SH3RF3: variants seen among roughly 807,000 people sequenced by gnomAD.
The protein encoded by SH3RF3 is E3 ubiquitin-protein ligase SH3RF3.
Under a neutral mutation model 66.3 loss-of-function variants are expected in SH3RF3, and 29 were observed. The observed-to-expected ratio is 0.44, with a 90% CI of 0.33 to 0.60. SH3RF3 has a LOEUF of 0.60. Among genes scored for constraint, SH3RF3 ranks in the 20% least tolerant of loss-of-function variants. The probability of loss-of-function intolerance (pLI) is 0.04; values close to 1 mark genes in which losing one functional copy is unlikely to be tolerated. For missense variants in SH3RF3, 1,194 were observed against 1,190.9 expected, an observed-to-expected ratio of 1.00 and a Z score of -0.04; for synonymous variants, 583 against 532.0, an observed-to-expected ratio of 1.10 and a Z score of -1.32.
intron 3 of SH3RF3, among the ~76,000 whole-genome samples, chr2:109,375,234 A>T (rs1683353782): frequency 6.6e-6 from 1 of 151,948 alleles, no homozygotes; most frequent in African/African-American, 2.4e-5. Flanking sequence ...TCTTCTTCCC[A>T]TGGCTCCAGC....
intron 1 of SH3RF3, among the ~76,000 whole-genome samples, chr2:109,274,710 C>G (rs7559721): frequency 0.4 from 60,420 of 151,900 alleles, 12,096 homozygotes; most frequent in South Asian, 0.44. Context: ...AGATAGAGGT[C>G]GTGGCTGCAT....
intron 1 of SH3RF3, among the ~76,000 whole-genome samples, chr2:109,317,060 A>G (rs113513588): frequency 6.6e-6 from 1 of 151,880 alleles, no homozygotes; most frequent in South Asian, 2.1e-4. Flanking sequence ...TCCTGAGGCT[A>G]TCTTGGTGGC....
intron 2 of SH3RF3, among the ~76,000 whole-genome samples, chr2:109,359,264 C>T (rs2105617249): frequency 6.6e-6 from 1 of 152,288 alleles, no homozygotes; most frequent in East Asian, 1.9e-4. Context: ...GGTCTCTTGC[C>T]TCTCCATATA....
intron 1 of SH3RF3, among the ~76,000 whole-genome samples, chr2:109,142,047 G>C (rs953140325): frequency 3.3e-5 from 5 of 151,150 alleles, no homozygotes; most frequent in South Asian, 2.1e-4. Flanking sequence ...GTCTCCTGGG[G>C]GGGGGGTCTC....
chr2:109,333,496 G>A (rs534839538), intron 1 of SH3RF3, among the ~76,000 whole-genome samples: 1 of 152,180 alleles, frequency 6.6e-6, no homozygotes, highest in East Asian at 1.9e-4. Flanking sequence ...GAGGTTTCAC[G>A]TATAGCATAC....
chr2:109,400,348 TTACA>T lies in SH3RF3; in HGVS notation c.1299+1410_1299+1413del, dbSNP rs536345644. Among the ~76,000 whole-genome samples, 51 of 151,978 alleles carry T rather than the reference TTACA, an allele frequency of 3.4e-4. No homozygotes were observed. The South Asian group carries it at 0.01, about 30-fold the overall frequency. On this transcript the variant is annotated intron_variant, in intron 4 of 9. Transcript: ENST00000309415. Reference sequence around the variant, plus strand: ...TACCTGCACACCCACACATGTGCACTTACATACACCGCCATCCACATGCACACCT... The same window carrying T: ...TACCTGCACACCCACACATGTGCACTTACACCGCCATCCACATGCACACCT...
At chr2:109,358,364 A>G (rs1388637811) in intron 2 of SH3RF3, among the ~76,000 whole-genome samples, 2 of 152,218 alleles carry the variant, frequency 1.3e-5, no homozygotes, top group African/African-American at 2.4e-5. Flanking sequence ...AAACATCCAT[A>G]TGCAGGTTTT....
chr2:109,172,023 A>G (rs1677794998), intron 1 of SH3RF3, among the ~76,000 whole-genome samples: 1 of 152,234 alleles, frequency 6.6e-6, no homozygotes, highest in South Asian at 2.1e-4. Context: ...AGGGCCCAGC[A>G]CTGTGGGCTC....
chr2:109,175,383 T>C (rs1677894213), intron 1 of SH3RF3, among the ~76,000 whole-genome samples: 1 of 152,250 alleles, frequency 6.6e-6, no homozygotes, highest in Non-Finnish European at 1.5e-5. Context: ...AAGCAAACGC[T>C]GGTGAATTCA....
chr2:109,247,862 T>C (rs1277546389), intron 1 of SH3RF3, among the ~76,000 whole-genome samples: 1 of 152,226 alleles, frequency 6.6e-6, no homozygotes, highest in Non-Finnish European at 1.5e-5. Flanking sequence ...TGGTCTCTTA[T>C]ATCCCCCAAA....
intron 5 of SH3RF3, among the ~76,000 whole-genome samples, chr2:109,427,702 A>G (rs1278235585): frequency 6.6e-6 from 1 of 151,986 alleles, no homozygotes; most frequent in Non-Finnish European, 1.5e-5. Flanking sequence ...CCTTCCATGA[A>G]CTCTGTGACA....
Position 109,437,022 on chromosome 2 carries a change from C to T in SH3RF3, c.1704C>T (p.Pro568=), listed in dbSNP as rs1021090351. The T allele has an allele frequency of 7.4e-6, 12 of 1,613,766 alleles. No homozygotes were observed. Among genetic ancestry groups the T allele is most frequent in the South Asian group, 2.2e-5 (2 of 91,090 alleles). ...SLSSLATATR[P]ALPITTPQAH... Reference sequence around the variant, plus strand: ...GCAGCCTGGCCACTGCCACCAGGCCCGCCCTGCCCATCACCACTCCCCAGG... The same window carrying T: ...GCAGCCTGGCCACTGCCACCAGGCCTGCCCTGCCCATCACCACTCCCCAGG... The change falls in exon 7 of 10, where the codon CCC becomes CCT. Residue 568 remains proline (P), a synonymous_variant. Transcript: ENST00000309415.
rs150572016 is a variant in SH3RF3, at chr2:109,137,187, G to A, written c.573+7074G>A. 4.4e-4 allele frequency among the ~76,000 whole-genome samples: 67 copies of A among 152,316 alleles called. 2 individuals carry two copies. Among genetic ancestry groups the A allele is most frequent in the African/African-American group, 1.4e-3 (57 of 41,562 alleles). Reference sequence around the variant, plus strand: ...GCAGGAATTTCTAATGAGGAAAGTGGTATTGGTGTGATTTGGGGCTTAGTG... The same window carrying A: ...GCAGGAATTTCTAATGAGGAAAGTGATATTGGTGTGATTTGGGGCTTAGTG... On this transcript the variant is annotated intron_variant, in intron 1 of 9. Transcript: ENST00000309415.
At position 109,163,059 on chromosome 2, in the gene SH3RF3, G is replaced by A. The variant is rs112234919; in HGVS notation, c.573+32946G>A. Among the ~76,000 whole-genome samples the A allele has an allele frequency of 2.8e-3, 428 of 152,292 alleles. 2 individuals are homozygous for A. Among genetic ancestry groups the A allele is most frequent in the African/African-American group, 9.5e-3 (394 of 41,560 alleles). On this transcript the variant is annotated intron_variant, in intron 1 of 9. Transcript: ENST00000309415. ...TAGTGATAGCTGGGGCACTGATCCC[G>A]CCAAATAGGAGGCTGAAGTTGAGAA...
intron 8 of SH3RF3, among the ~76,000 whole-genome samples, chr2:109,456,337 C>T (rs1372473144): frequency 6.6e-6 from 1 of 152,214 alleles, no homozygotes; most frequent in Non-Finnish European, 1.5e-5. Flanking sequence ...ATAAGGGGAG[C>T]CAGCATGTGC....
intron 3 of SH3RF3, 147 bp from the exon 4 acceptor site, chr2:109,398,443 C>T: frequency 5.3e-6 from 4 of 751,622 alleles, no homozygotes; most frequent in Non-Finnish European, 8.5e-6. Context: ...GCCACCCCAC[C>T]AGCCTCTTCT....
chr2:109,390,163 C>T (rs1445862955), intron 3 of SH3RF3, among the ~76,000 whole-genome samples: 1 of 152,218 alleles, frequency 6.6e-6, no homozygotes, highest in African/African-American at 2.4e-5. Flanking sequence ...TTCACTGTCC[C>T]AACAGAGAGA....
In SH3RF3 at chr2:109,280,039, C is replaced by T. The variant is rs188799555; in HGVS notation, c.574-67635C>T. ...TGGGAGTAGAGGAGATTCTGGACTT[C>T]AGAATGCCAGCCAGGCTCCCCTCCT... is the stretch of plus-strand genomic sequence containing the variant. On this transcript the variant is annotated intron_variant, in intron 1 of 9. Transcript: ENST00000309415. Among the ~76,000 whole-genome samples, 552 of 152,314 alleles carry T rather than the reference C, an allele frequency of 3.6e-3. 2 individuals are homozygous for T. The highest frequency in any genetic ancestry group is 0.013 in the African/African-American group (531 of 41,554).
intron 1 of SH3RF3, among the ~76,000 whole-genome samples, chr2:109,216,253 T>G (rs13421000): frequency 6.6e-6 from 1 of 152,080 alleles, no homozygotes; most frequent in East Asian, 1.9e-4. Flanking sequence ...CTAACTACTT[T>G]CTCTCTGGCC....
Sources: gnomAD v4.1 joint callset for allele counts (sites outside exome capture counted in the v4.1 genomes callset) on GRCh38, gnomAD v4.1.1 for gene constraint, MANE v1.5 for transcripts, NCBI Gene and HGNC (gene_info 2026-07-23, HGNC 2026-07-21) for gene names.